The following NRXN1 variants were observed in gnomAD, a reference collection of about 807,000 sequenced individuals.
The protein encoded by NRXN1 is neurexin-1.
NRXN1 carries 39 observed loss-of-function variants against 150.9 expected under a neutral mutation model. That is an observed-to-expected ratio of 0.26 (90% CI 0.20 to 0.34). NRXN1 has a LOEUF of 0.34. Among genes scored for constraint, NRXN1 ranks in the 10% least tolerant of loss-of-function variants. The pLI, the probability that NRXN1 is intolerant of heterozygous loss-of-function variation, is 1.00. For missense variants in NRXN1, 1,815 were observed against 1,949.9 expected, an observed-to-expected ratio of 0.93 and a Z score of 1.30; for synonymous variants, 924 against 757.0, an observed-to-expected ratio of 1.22 and a Z score of -3.62.
At chr2:50,246,113 T>C (rs897435464) in intron 17 of NRXN1, among the ~76,000 whole-genome samples, 2 of 152,042 alleles carry the variant, frequency 1.3e-5, no homozygotes, top group Admixed American at 1.3e-4. Flanking sequence ...TCTGACATTT[T>C]TAGAGTCTAT....
In NRXN1 at chr2:50,216,737, G is replaced by C. The variant is rs144524843; in HGVS notation, c.3546+20052C>G. Among the ~76,000 whole-genome samples, 8 of 152,106 alleles carry C rather than the reference G, an allele frequency of 5.3e-5. No homozygotes were observed. In the East Asian group the frequency reaches 1.6e-3, roughly 30 times the overall value. ...ATTTTCTGCATATGCTAGTTGGGTGGAAAGTTCAACACAAGTTTTAATGAT... is the reference window on the plus strand; with the variant it reads ...ATTTTCTGCATATGCTAGTTGGGTGCAAAGTTCAACACAAGTTTTAATGAT... On this transcript the variant is annotated intron_variant, in intron 18 of 22. Transcript: ENST00000401669.
At chr2:50,613,614 T>C (rs942897725) in intron 8 of NRXN1, among the ~76,000 whole-genome samples, 1 of 152,156 alleles carries the variant, frequency 6.6e-6, no homozygotes, top group Non-Finnish European at 1.5e-5. Context: ...AGGCTATTAA[T>C]CTTGCGGGCA....
At chr2:50,343,166 G>C (rs967063136) in intron 17 of NRXN1, among the ~76,000 whole-genome samples, 4 of 152,174 alleles carry the variant, frequency 2.6e-5, no homozygotes, top group Non-Finnish European at 5.9e-5. Flanking sequence ...ATTTGTGGGA[G>C]GAGAAAGGAT....
At chr2:50,070,978 T>A (rs1312542558) in intron 19 of NRXN1, among the ~76,000 whole-genome samples, 1 of 152,208 alleles carries the variant, frequency 6.6e-6, no homozygotes, top group Non-Finnish European at 1.5e-5. Context: ...TTTCTAGTGA[T>A]CTCTAAATGC....
intron 17 of NRXN1, among the ~76,000 whole-genome samples, chr2:50,337,438 C>T (rs2077268986): frequency 6.6e-6 from 1 of 152,188 alleles, no homozygotes; most frequent in Non-Finnish European, 1.5e-5. Flanking sequence ...GGGCCCACAA[C>T]TTCCGTTTCA....
At chr2:50,992,003 C>T (rs751453885) in intron 2 of NRXN1, among the ~76,000 whole-genome samples, 2 of 151,864 alleles carry the variant, frequency 1.3e-5, no homozygotes, top group Non-Finnish European at 2.9e-5. Context: ...TGAATCTTTT[C>T]GTCTAAAAGC....
chr2:50,517,177 A>G (rs776815396), intron 12 of NRXN1, among the ~76,000 whole-genome samples: 1 of 152,070 alleles, frequency 6.6e-6, no homozygotes, highest in Admixed American at 6.6e-5. Context: ...ACTACTTTTA[A>G]TCAAAGGTTT....
At chr2:50,496,118 G>T in intron 14 of NRXN1, 23 bp from the exon 15 acceptor site, 1 of 1,553,762 alleles carries the variant, frequency 6.4e-7, no homozygotes, top group Non-Finnish European at 8.7e-7. Context: ...TGAAAGAGGG[G>T]AAAGTGCCAT....
intron 21 of NRXN1, among the ~76,000 whole-genome samples, chr2:49,982,955 A>G (rs1480029815): frequency 4.6e-5 from 7 of 152,148 alleles, no homozygotes; most frequent in Non-Finnish European, 1.0e-4. Context: ...ATGTTCTATA[A>G]CATCTTTACT....
At chr2:50,677,807 C>T (rs1689767801) in intron 5 of NRXN1, among the ~76,000 whole-genome samples, 1 of 152,064 alleles carries the variant, frequency 6.6e-6, no homozygotes, top group Non-Finnish European at 1.5e-5. Flanking sequence ...CCCACCCCTC[C>T]ATTTCCAAAC....
At chr2:49,978,511 C>T (rs1679396529) in intron 21 of NRXN1, among the ~76,000 whole-genome samples, 1 of 152,152 alleles carries the variant, frequency 6.6e-6, no homozygotes. Flanking sequence ...CTAATCCCCA[C>T]ACTGTCAGGC....
At chr2:49,990,099 A>T (rs1170067462) in intron 21 of NRXN1, among the ~76,000 whole-genome samples, 1 of 148,642 alleles carries the variant, frequency 6.7e-6, no homozygotes, top group Non-Finnish European at 1.5e-5. Context: ...CAAGCAATAA[A>T]TTTAAAAAAA....
chr2:50,166,335 G>A (rs1486709107), intron 18 of NRXN1, among the ~76,000 whole-genome samples: 3 of 149,898 alleles, frequency 2.0e-5, no homozygotes, highest in African/African-American at 7.5e-5. Context: ...TTGTGTGTGT[G>A]TGTGTGTTCA....
intron 5 of NRXN1, among the ~76,000 whole-genome samples, chr2:50,649,245 C>CACACAT (rs1448699317): frequency 1.1e-3 from 111 of 97,180 alleles, no homozygotes; most frequent in African/African-American, 3.4e-3. Context: ...AGCATGTATA[C>CACACAT]ACACATACAC....
At chr2:50,702,260 A>G (rs1248956996) in intron 5 of NRXN1, among the ~76,000 whole-genome samples, 2 of 152,098 alleles carry the variant, frequency 1.3e-5, no homozygotes, top group Non-Finnish European at 2.9e-5. Flanking sequence ...CTCCTTTTCC[A>G]GATAACATAG....
rs567195870 is a variant in NRXN1, at chr2:51,007,955, A to G, written c.772+19547T>C. Among the ~76,000 whole-genome samples, 3 of 152,096 alleles carry G rather than the reference A, an allele frequency of 2.0e-5. No homozygotes were observed. The South Asian group carries it at 6.2e-4, about 31-fold the overall frequency. ...GAAAGAAAAATTAATCTTGCACAGAATAGAAGGAAAATAAATAAACGAGAA... is the reference window on the plus strand; with the variant it reads ...GAAAGAAAAATTAATCTTGCACAGAGTAGAAGGAAAATAAATAAACGAGAA... On this transcript the variant is annotated intron_variant, in intron 2 of 22. Transcript: ENST00000401669.
intron 17 of NRXN1, among the ~76,000 whole-genome samples, chr2:50,283,963 T>A (rs2071792061): frequency 6.6e-6 from 1 of 152,152 alleles, no homozygotes. Flanking sequence ...TCTCTTTCCA[T>A]GCTATACTTT....
intron 5 of NRXN1, chr2:50,841,062 A>G (rs576471920): frequency 6.5e-6 from 1 of 152,722 alleles, no homozygotes; most frequent in South Asian, 2.1e-4. Context: ...TCTACATACC[A>G]TGTTAATGTA....
At chr2:50,919,320 C>T (rs985218431) in intron 5 of NRXN1, 2 of 151,628 alleles carry the variant, frequency 1.3e-5, no homozygotes, top group Non-Finnish European at 2.9e-5. Flanking sequence ...AGAGAAAGGA[C>T]TTGAGAGGAG....
Sources: gnomAD v4.1 joint callset for allele counts (sites outside exome capture counted in the v4.1 genomes callset) on GRCh38, gnomAD v4.1.1 for gene constraint, MANE v1.5 for transcripts, NCBI Gene and HGNC (gene_info 2026-07-23, HGNC 2026-07-21) for gene names.